GRIP2: variants seen among roughly 807,000 people sequenced by gnomAD.
GRIP2 encodes glutamate receptor interacting protein 2.
GRIP2 carries 58 observed loss-of-function variants against 108.3 expected under a neutral mutation model. The observed-to-expected ratio is 0.54, with a 90% confidence interval of 0.43 to 0.67. The LOEUF is 0.67. Ranked by LOEUF, GRIP2 falls within the 30% of genes least tolerant of loss-of-function variation. The probability of loss-of-function intolerance (pLI) is 0.00; values close to 1 mark genes in which losing one functional copy is unlikely to be tolerated. For missense variants in GRIP2, 1,278 were observed against 1,430.6 expected (o/e 0.89, Z 1.72); for synonymous variants, 586 against 598.2 (o/e 0.98, Z 0.30).
At chr3:14,577,612 G>T in the GRIP2 span, among the ~76,000 whole-genome samples, 1 of 152,180 alleles carries the variant, frequency 6.6e-6, no homozygotes, top group Admixed American at 6.5e-5. Context: ...AATTGCTCAG[G>T]ACAGCTTTAT....
At chr3:14,578,381 A>G in the GRIP2 span, among the ~76,000 whole-genome samples, 1 of 152,188 alleles carries the variant, frequency 6.6e-6, no homozygotes, top group African/African-American at 2.4e-5. Context: ...CAGGGTTGTC[A>G]TGAGGACTAA....
chr3:14,587,311 GGAACCATGAAA>G, the GRIP2 span, among the ~76,000 whole-genome samples: 1 of 152,142 alleles, frequency 6.6e-6, no homozygotes, highest in Non-Finnish European at 1.5e-5. Flanking sequence ...AGAAAAAGGA[GGAACCATGAAA>G]CTGGCCAACA....
chr3:14,497,946 T>C (rs866692487), intron 21 of GRIP2, among the ~76,000 whole-genome samples: 34 of 152,008 alleles, frequency 2.2e-4, no homozygotes, highest in African/African-American at 7.0e-4. Context: ...AATCCAGAGA[T>C]GGAGGTGGGG....
the GRIP2 span, among the ~76,000 whole-genome samples, chr3:14,599,683 C>CTGTGTGTGTGTGTG: frequency 4.9e-4 from 51 of 105,130 alleles, no homozygotes; most frequent in African/African-American, 1.7e-3. Context: ...CTCTCTCTCT[C>CTGTGTGTGTGTGTG]TCTGTGTGTG....
chr3:14,540,872 C>T (rs1694954786), upstream of GRIP2, among the ~76,000 whole-genome samples: 1 of 152,220 alleles, frequency 6.6e-6, no homozygotes, highest in Admixed American at 6.5e-5. The surrounding 1 kb of genome is among the most constrained non-coding windows in gnomAD (Gnocchi z 4.1). Context: ...ACCAATGTTC[C>T]AACTACCTCT....
chr3:14,576,614 A>G, the GRIP2 span, among the ~76,000 whole-genome samples: 4 of 152,210 alleles, frequency 2.6e-5, no homozygotes, highest in African/African-American at 9.7e-5. Context: ...TAATGATATC[A>G]GATACGCATT....
chr3:14,509,117 C>G (rs541383311), intron 17 of GRIP2, among the ~76,000 whole-genome samples: 51 of 152,270 alleles, frequency 3.3e-4, no homozygotes, highest in African/African-American at 1.2e-3. Context: ...TCCCGGAATC[C>G]CTCCCATCCT....
chr3:14,504,230 G>T (rs1227414741), intron 20 of GRIP2, among the ~76,000 whole-genome samples: 1 of 151,894 alleles, frequency 6.6e-6, no homozygotes, highest in Admixed American at 6.6e-5. Flanking sequence ...TTCACATTTT[G>T]ACACTTCGCA....
chr3:14,534,357 T>C (rs1694783574), intron 1 of GRIP2, among the ~76,000 whole-genome samples: 1 of 151,350 alleles, frequency 6.6e-6, no homozygotes, highest in South Asian at 2.1e-4. Flanking sequence ...CTTGGGGGGG[T>C]CAGACCCTAG....
At chr3:14,519,592 C>T (rs1014644327) in intron 9 of GRIP2, among the ~76,000 whole-genome samples, 4 of 152,192 alleles carry the variant, frequency 2.6e-5, no homozygotes, top group African/African-American at 7.2e-5. Context: ...GGCCACCCCC[C>T]ACCCTGCCCC....
the GRIP2 span, chr3:14,574,864 C>T: frequency 3.2e-6 from 1 of 308,662 alleles, no homozygotes; most frequent in South Asian, 2.9e-5. Context: ...ATATCAAAAA[C>T]ATCATGCTGA....
At chr3:14,596,473 C>G in the GRIP2 span, among the ~76,000 whole-genome samples, 1 of 152,192 alleles carries the variant, frequency 6.6e-6, no homozygotes, top group African/African-American at 2.4e-5. Flanking sequence ...CCCACATTCT[C>G]TGGTTCAACA....
At chr3:14,568,452 G>T in the GRIP2 span, among the ~76,000 whole-genome samples, 1 of 152,192 alleles carries the variant, frequency 6.6e-6, no homozygotes, top group African/African-American at 2.4e-5. Context: ...GCTCAGAGAG[G>T]TTAAGTCACC....
At chr3:14,578,586 A>C in the GRIP2 span, among the ~76,000 whole-genome samples, 2 of 152,090 alleles carry the variant, frequency 1.3e-5, no homozygotes, top group Non-Finnish European at 2.9e-5. Context: ...GCATGGTGGC[A>C]GGGACCTGTA....
In GRIP2 at chr3:14,511,210, C is replaced by T. The variant is rs371393195; in HGVS notation, c.1888G>A (p.Glu630Lys). The T allele has an allele frequency of 8.2e-5, 133 of 1,613,992 alleles. No homozygotes were observed. In the South Asian group the frequency reaches 1.0e-3, roughly 13 times the overall value. The change falls in exon 16 of 24, where the codon GAG (glutamate) becomes AAG (lysine). Residue 630 changes from glutamate (E) to lysine (K), a missense_variant. Transcript: ENST00000621039. This position sits in a 1 kb window ranked among gnomAD's most constrained non-coding sequence, Gnocchi z 4.1. ...EDAVQILRQC[E>K]DLVKLKIRKD... is the part of the protein sequence containing the mutation. ...CGGATCTTCAGCTTCACCAGGTCCT[C>T]GCACTGCCGCAGGATTTGCACGGCG...
At chr3:14,554,812 C>A (rs1174964236) in intron 1 of GRIP2, among the ~76,000 whole-genome samples, 1 of 152,210 alleles carries the variant, frequency 6.6e-6, no homozygotes, top group African/African-American at 2.4e-5. Context: ...CACTTTCCTC[C>A]TCTGCACAAT....
At chr3:14,498,748 C>T (rs996858026) in intron 21 of GRIP2, among the ~76,000 whole-genome samples, 19 of 152,156 alleles carry the variant, frequency 1.2e-4, no homozygotes, top group African/African-American at 4.6e-4. Context: ...GCAGACTGAG[C>T]TGATACAGGA....
intron 21 of GRIP2, among the ~76,000 whole-genome samples, chr3:14,497,972 G>A (rs1451617752): frequency 6.6e-6 from 1 of 152,124 alleles, no homozygotes; most frequent in African/African-American, 2.4e-5. Flanking sequence ...GGAGCTGCTG[G>A]GAGGGGAGGA....
the GRIP2 span, among the ~76,000 whole-genome samples, chr3:14,595,720 C>A: frequency 6.6e-6 from 1 of 152,240 alleles, no homozygotes; most frequent in South Asian, 2.1e-4. Flanking sequence ...CAGGGAGGGG[C>A]TGCCTGGCTC....
Sources: gnomAD v4.1 joint callset for allele counts (sites outside exome capture counted in the v4.1 genomes callset) on GRCh38, gnomAD v4.1.1 for gene constraint, Gnocchi (gnomAD v3.1) non-coding constraint, MANE v1.5 for transcripts, NCBI Gene and HGNC (gene_info 2026-07-23, HGNC 2026-07-21) for gene names.